PCDHGB5: variants seen among roughly 807,000 people sequenced by gnomAD.
PCDHGB5 encodes protocadherin gamma-B5.
In PCDHGB5, 48 loss-of-function variants were observed where a neutral mutation model predicts 62.9. The ratio of observed to expected loss-of-function variants is 0.76; its 90% CI spans 0.61 to 0.97. The LOEUF is 0.97. PCDHGB5 is among the 50% of genes least tolerant of loss of function. The pLI, the probability that PCDHGB5 is intolerant of heterozygous loss-of-function variation, is 0.00. For missense variants in PCDHGB5, 1,118 were observed against 1,198.6 expected, an observed-to-expected ratio of 0.93 and a Z score of 0.99; for synonymous variants, 474 against 511.2, an observed-to-expected ratio of 0.93 and a Z score of 0.98.
chr5:141,419,123 A>G (rs2096330317), intron 1 of PCDHGB5: 1 of 1,613,766 alleles, frequency 6.2e-7, no homozygotes, highest in African/African-American at 1.3e-5. Context: ...CAACGTCACC[A>G]TCGCAGCCAC....
In PCDHGB5 at chr5:141,492,000, A is replaced by G; in HGVS notation, c.2398-2807A>G. On this transcript the variant is annotated intron_variant, in intron 1 of 3. Transcript: ENST00000617380. The surrounding 1 kb of genome is among the most constrained non-coding windows in gnomAD (Gnocchi z 6.9). Reference sequence around the variant, plus strand: ...TCGAGCTTCCGGTGAATTTCGGGCGATTTCCGCGGGTGTCGGGGGTCCCGG... The same window carrying G: ...TCGAGCTTCCGGTGAATTTCGGGCGGTTTCCGCGGGTGTCGGGGGTCCCGG... 1 of 659,856 alleles carries G rather than the reference A, an allele frequency of 1.5e-6. No homozygotes were observed. The highest frequency in any genetic ancestry group is 3.1e-5 in the South Asian group (1 of 32,438). 40.9% of individuals were successfully genotyped at this position (659,856 alleles called of 1,614,324 possible).
At position 141,413,764 on chromosome 5, in the gene PCDHGB5, G is replaced by A. The variant is rs749419039; in HGVS notation, c.2397+13240G>A. 28 of 1,612,716 alleles carry A rather than the reference G, an allele frequency of 1.7e-5. No individual in the cohort carries two copies. Among genetic ancestry groups the A allele is most frequent in the Non-Finnish European group, 2.2e-5 (26 of 1,179,878 alleles). On this transcript the variant is annotated intron_variant, in intron 1 of 3. Coordinates refer to ENST00000617380, the MANE Select transcript of PCDHGB5 (RefSeq NM_018925.3). ...CCGTGCCAATGGCGTCAAGTACCCG[G>A]AGCTGGTACTGGAGCACTCCCTAGA... is the stretch of plus-strand genomic sequence containing the variant.
chr5:141,410,561 G>T (rs201832666), intron 1 of PCDHGB5: 171 of 1,612,580 alleles, frequency 1.1e-4, no homozygotes, highest in Admixed American at 2.7e-4. Context: ...TTCTCCTGGA[G>T]CCTTAATTCC....
chr5:141,496,772 T>C (rs994207358), intron 2 of PCDHGB5, among the ~76,000 whole-genome samples: 9 of 152,008 alleles, frequency 5.9e-5, no homozygotes, highest in African/African-American at 1.2e-4. Flanking sequence ...GCATCTACTA[T>C]GAGCAGGGCC....
At chr5:141,410,619 C>G in intron 1 of PCDHGB5, 1 of 1,603,732 alleles carries the variant, frequency 6.2e-7, no homozygotes, top group Admixed American at 1.7e-5. Context: ...ACTCTGACTT[C>G]GGTGAGTTTC....
In PCDHGB5 at chr5:141,431,827, TC is replaced by T. The variant is rs571306928; in HGVS notation, c.2397+31306del. 1.2e-3 allele frequency: 2,007 copies of T among 1,614,226 alleles called. No individual in the cohort carries two copies. The highest frequency in any genetic ancestry group is 1.5e-3 in the Non-Finnish European group (1,827 of 1,180,024). On this transcript the variant is annotated intron_variant, in intron 1 of 3. Coordinates refer to ENST00000617380, the MANE Select transcript of PCDHGB5 (RefSeq NM_018925.3). This position sits in a 1 kb window ranked among gnomAD's most constrained non-coding sequence, Gnocchi z 4.8. ...TCCTCACCTCTCTCGCCAGCTCGGT[TC>T]CCGAAAACTCTCCCAGAGGGACATT...
Position 141,489,407 on chromosome 5 carries a change from T to C in PCDHGB5, c.2398-5400T>C. On this transcript the variant is annotated intron_variant, in intron 1 of 3. Transcript: ENST00000617380. This position sits in a 1 kb window ranked among gnomAD's most constrained non-coding sequence, Gnocchi z 4.5. ...GTTGCTCAGGATCTGGGCTTAAAGA[T>C]GACAGATCTGTTGAGCCGGCGGCTG... 6.2e-7 allele frequency: 1 copy of C among 1,614,140 alleles called. No individual in the cohort carries two copies.
Position 141,489,471 on chromosome 5 carries a change from G to A in PCDHGB5, c.2398-5336G>A. ...AGGAGAATGGGCGCTATTTTTCCCT[G>A]AGCTTGATGAGTGGTGCCCTGGCAG... On this transcript the variant is annotated intron_variant, in intron 1 of 3. Transcript: ENST00000617380. This position sits in a 1 kb window ranked among gnomAD's most constrained non-coding sequence, Gnocchi z 4.5. 1 of 1,614,074 alleles carries A rather than the reference G, an allele frequency of 6.2e-7. No homozygotes were observed. The highest frequency in any genetic ancestry group is 8.5e-7 in the Non-Finnish European group (1 of 1,180,026).
chr5:141,445,433 C>A (rs2098466883), intron 1 of PCDHGB5, among the ~76,000 whole-genome samples: 1 of 152,136 alleles, frequency 6.6e-6, no homozygotes, highest in Non-Finnish European at 1.5e-5. Flanking sequence ...AAGGCACTGA[C>A]CTATGGACTA....
At chr5:141,420,473 G>A (rs1016985115) in intron 1 of PCDHGB5, 8 of 707,118 alleles carry the variant, frequency 1.1e-5, no homozygotes, top group Non-Finnish European at 1.6e-5. Flanking sequence ...ACATTTTAAA[G>A]CAAACTACAT....
intron 1 of PCDHGB5, among the ~76,000 whole-genome samples, chr5:141,448,146 C>G (rs1375402473): frequency 6.6e-6 from 1 of 151,942 alleles, no homozygotes; most frequent in Non-Finnish European, 1.5e-5. Flanking sequence ...ATACCTCAGA[C>G]TCACCCCTGA....
In PCDHGB5 at chr5:141,399,542, C is replaced by T. The variant is rs761214012; in HGVS notation, c.1415C>T (p.Ala472Val). The T allele has an allele frequency of 5.6e-6, 9 of 1,614,046 alleles. No homozygotes were observed. The South Asian group carries it at 8.8e-5, about 16-fold the overall frequency. The change falls in exon 1 of 4, where the codon GCC becomes GTC. Residue 472 changes from alanine to valine, a missense_variant. By Grantham distance (64) the Ala-to-Val change is moderately conservative. Transcript: ENST00000617380. ...GGGGCCTCCATCGCGCAAGTCTGCGCCTCGGACCTGGACTTGGGGTTGAAC... is the reference window on the plus strand; with the variant it reads ...GGGGCCTCCATCGCGCAAGTCTGCGTCTCGGACCTGGACTTGGGGTTGAAC... ...PPGASIAQVC[A>V]SDLDLGLNGQ...
chr5:141,429,861 A>G (rs1483953460), intron 1 of PCDHGB5, among the ~76,000 whole-genome samples: 1 of 152,226 alleles, frequency 6.6e-6, no homozygotes, highest in Non-Finnish European at 1.5e-5. Flanking sequence ...TCTTTGGACT[A>G]CCAATTTTCT....
intron 1 of PCDHGB5, chr5:141,413,618 A>C (rs1188549125): frequency 6.2e-7 from 1 of 1,613,916 alleles, no homozygotes; most frequent in Admixed American, 1.7e-5. Context: ...AAAATTAATG[A>C]AAATGTCGCT....
intron 1 of PCDHGB5, chr5:141,433,225 G>A: frequency 6.6e-7 from 1 of 1,517,048 alleles, no homozygotes; most frequent in Non-Finnish European, 9.0e-7. Flanking sequence ...TTTTTTAATT[G>A]CTCTGTCTCC....
chr5:141,475,550 T>G (rs2099365082), intron 1 of PCDHGB5, among the ~76,000 whole-genome samples: 1 of 152,246 alleles, frequency 6.6e-6, no homozygotes, highest in Non-Finnish European at 1.5e-5. Flanking sequence ...AGGGTCCGGC[T>G]AATTGTCTGT....
intron 1 of PCDHGB5, chr5:141,423,612 T>G: frequency 6.2e-7 from 1 of 1,611,004 alleles, no homozygotes; most frequent in Non-Finnish European, 8.5e-7. Flanking sequence ...TCTTGATAGC[T>G]GAAGACTCAG....
intron 1 of PCDHGB5, chr5:141,403,610 C>T: frequency 6.2e-7 from 1 of 1,613,860 alleles, no homozygotes; most frequent in Non-Finnish European, 8.5e-7. Context: ...TGGCGGCGAG[C>T]CGCGTCGCTC....
chr5:141,420,044 T>C lies in PCDHGB5; in HGVS notation c.2397+19520T>C, dbSNP rs769790599. 1.7e-5 allele frequency: 27 copies of C among 1,613,934 alleles called. No individual in the cohort carries two copies. In the East Asian group the frequency reaches 6.0e-4, roughly 36 times the overall value. On this transcript the variant is annotated intron_variant, in intron 1 of 3. Coordinates refer to ENST00000617380, the MANE Select transcript of PCDHGB5 (RefSeq NM_018925.3). ...CCCTACTGCAGGAGACTGCTTTGAG[T>C]CAGTTCTCTGCTCCAAGTCCGGACC...
Sources: gnomAD v4.1 joint callset for allele counts (sites outside exome capture counted in the v4.1 genomes callset) on GRCh38, gnomAD v4.1.1 for gene constraint, Gnocchi (gnomAD v3.1) non-coding constraint, MANE v1.5 for transcripts, NCBI Gene and HGNC (gene_info 2026-07-23, HGNC 2026-07-21) for gene names.